ARF1: variants seen among roughly 807,000 people sequenced by gnomAD.
ARF1 encodes the protein ADP-ribosylation factor 1.
In ARF1, 1 loss-of-function variant was observed where a neutral mutation model predicts 18.0. That is an observed-to-expected ratio of 0.06 (90% CI 0.02 to 0.26). ARF1 has a LOEUF of 0.26. Ranked by LOEUF, ARF1 falls within the 10% of genes least tolerant of loss-of-function variation. ARF1 has a pLI of 1.00. For missense variants in ARF1, 73 were observed against 247.2 expected, an observed-to-expected ratio of 0.30 and a Z score of 4.73; for synonymous variants, 112 against 96.3, an observed-to-expected ratio of 1.16 and a Z score of -0.95.
At chr1:228,088,981 A>G (rs2032488157) in intron 1 of ARF1, among the ~76,000 whole-genome samples, 1 of 152,134 alleles carries the variant, frequency 6.6e-6, no homozygotes, top group South Asian at 2.1e-4. Flanking sequence ...TCTGAGTAGA[A>G]CATCGGGTCA....
chr1:228,096,040 C>T (rs1002341935), intron 1 of ARF1, among the ~76,000 whole-genome samples: 3 of 152,176 alleles, frequency 2.0e-5, no homozygotes, highest in Admixed American at 6.5e-5. Context: ...CAGACACGGG[C>T]GGCCAGTTCA....
chr1:228,083,817 C>G (rs2032303062), intron 1 of ARF1, among the ~76,000 whole-genome samples: 1 of 152,220 alleles, frequency 6.6e-6, no homozygotes, highest in Non-Finnish European at 1.5e-5. Flanking sequence ...CCTGGCACTC[C>G]CTTTCAGTCC....
chr1:228,093,022 CT>C, intron 1 of ARF1, among the ~76,000 whole-genome samples: 1 of 152,090 alleles, frequency 6.6e-6, no homozygotes, highest in East Asian at 1.9e-4. Flanking sequence ...ACTTTTTTTC[CT>C]CAGAGTTGGA....
At position 228,098,661 on chromosome 1, in the gene ARF1, T is replaced by C. The variant is rs1391133537; in HGVS notation, c.*648T>C. The C allele has an allele frequency of 6.5e-6, 1 of 152,708 alleles. No individual in the cohort carries two copies. The highest frequency in any genetic ancestry group is 6.5e-5 in the Admixed American group (1 of 15,288). The allele number at this position is 152,708 out of a possible 1,614,324, so 9.5% of individuals were successfully genotyped here. Reference sequence around the variant, plus strand: ...TTCCATAGCCATGTGCTTGTCCCTGTGCTCCCACGGTTCCCAGGGGCCAGG... The same window carrying C: ...TTCCATAGCCATGTGCTTGTCCCTGCGCTCCCACGGTTCCCAGGGGCCAGG... On this transcript the variant is annotated 3_prime_UTR_variant, in exon 5 of 5. Transcript: ENST00000272102.
chr1:228,089,785 G>A lies in ARF1; in HGVS notation c.-38+7020G>A, dbSNP rs1032895904. Among the ~76,000 whole-genome samples the A allele has an allele frequency of 1.3e-5, 2 of 151,976 alleles. No individual in the cohort carries two copies. Among genetic ancestry groups the A allele is most frequent in the South Asian group, 4.2e-4 (2 of 4,816 alleles). Reference sequence around the variant, plus strand: ...AAGTGGTGTAGAAAGGGGCCTTCAGGGCCCTGGATCCCCCAGCCCCACACA... The same window carrying A: ...AAGTGGTGTAGAAAGGGGCCTTCAGAGCCCTGGATCCCCCAGCCCCACACA... On this transcript the variant is annotated intron_variant, in intron 1 of 4. Coordinates refer to ENST00000272102, the MANE Select transcript of ARF1 (RefSeq NM_001658.4). The surrounding 1 kb of genome is among the most constrained non-coding windows in gnomAD (Gnocchi z 4.1).
Position 228,097,500 on chromosome 1 carries a change from G to C in ARF1, c.259+48G>C, listed in dbSNP as rs760365227. 9 of 1,613,798 alleles carry C rather than the reference G, an allele frequency of 5.6e-6. No individual in the cohort carries two copies. Among genetic ancestry groups the C allele is most frequent in the African/African-American group, 1.3e-5 (1 of 74,918 alleles). ...CATGGGCACTCCTGCTTCTAGAGAGGGGGGGCCAGCCCATAGATGGGGCAT... is the reference window on the plus strand; with the variant it reads ...CATGGGCACTCCTGCTTCTAGAGAGCGGGGGCCAGCCCATAGATGGGGCAT... On this transcript the variant is annotated intron_variant, in intron 3 of 4. Coordinates refer to ENST00000272102, the MANE Select transcript of ARF1 (RefSeq NM_001658.4). This position sits in a 1 kb window ranked among gnomAD's most constrained non-coding sequence, Gnocchi z 8.1.
rs2032489142 is a variant in ARF1 at position 228,089,016 on chromosome 1, C to T, written c.-38+6251C>T. On this transcript the variant is annotated intron_variant, in intron 1 of 4. Coordinates refer to ENST00000272102, the MANE Select transcript of ARF1 (RefSeq NM_001658.4). This position sits in a 1 kb window ranked among gnomAD's most constrained non-coding sequence, Gnocchi z 4.1. ...ACCTGGCTGACTGGTGTGCTGAGAA[C>T]ACGCAGGAGGAGGCTGGAGACGGGG... Among the ~76,000 whole-genome samples, 1 of 152,154 alleles carries T rather than the reference C, an allele frequency of 6.6e-6. No homozygotes were observed. Among genetic ancestry groups the T allele is most frequent in the African/African-American group, 2.4e-5 (1 of 41,422 alleles).
intron 1 of ARF1, chr1:228,090,633 A>G (rs1021892788): frequency 3.3e-5 from 5 of 152,360 alleles, no homozygotes; most frequent in African/African-American, 7.2e-5. Context: ...GTAGAGGCCA[A>G]CTGCACCCTG....
intron 1 of ARF1, among the ~76,000 whole-genome samples, chr1:228,085,602 A>G (rs1018399019): frequency 6.6e-6 from 1 of 152,238 alleles, no homozygotes; most frequent in Admixed American, 6.5e-5. Context: ...TTGTCAGCCA[A>G]CAGACTGGGA....
At chr1:228,086,825 G>C (rs918403053) in intron 1 of ARF1, among the ~76,000 whole-genome samples, 1 of 152,216 alleles carries the variant, frequency 6.6e-6, no homozygotes, top group African/African-American at 2.4e-5. Flanking sequence ...TGGGAACCCT[G>C]ATTTATAGAT....
At position 228,097,893 on chromosome 1, in the gene ARF1, G is replaced by A; in HGVS notation, c.426G>A (p.Lys142=). The A allele has an allele frequency of 6.2e-7, 1 of 1,614,170 alleles. No individual in the cohort carries two copies. Among genetic ancestry groups the A allele is most frequent in the Non-Finnish European group, 8.5e-7 (1 of 1,180,024 alleles). ...NAMNAAEITD[K]LGLHSLRHRN... is the part of the protein sequence containing the mutation. ...TGAATGCGGCCGAGATCACAGACAA[G>A]CTGGGGCTGCACTCACTACGCCACA... The change falls in exon 5 of 5, where the codon AAG becomes AAA. Residue 142 remains lysine (K), a synonymous_variant. Transcript: ENST00000272102. The surrounding 1 kb of genome is among the most constrained non-coding windows in gnomAD (Gnocchi z 8.1).
chr1:228,096,364 G>GT (rs1233430618), intron 1 of ARF1: 6 of 152,274 alleles, frequency 3.9e-5, no homozygotes, highest in African/African-American at 1.2e-4. Context: ...GTTTTCTAAA[G>GT]TCCCTGTTCG....
intron 1 of ARF1, among the ~76,000 whole-genome samples, chr1:228,088,479 T>C (rs973412255): frequency 2.6e-5 from 4 of 151,948 alleles, no homozygotes; most frequent in African/African-American, 4.8e-5. Flanking sequence ...CTGACCTTCA[T>C]GTAGGGGAGG....
chr1:228,097,286 T>C lies in ARF1; in HGVS notation c.148+24T>C. On this transcript the variant is annotated intron_variant, in intron 2 of 4. Coordinates refer to ENST00000272102, the MANE Select transcript of ARF1 (RefSeq NM_001658.4). The surrounding 1 kb of genome is among the most constrained non-coding windows in gnomAD (Gnocchi z 8.1). ...AGGTGAGGTGGGGGCCAGCAGGGAG[T>C]GGGCTGGGCTGGGCTGGGCCAAGGT... is the stretch of plus-strand genomic sequence containing the variant. 1.2e-6 allele frequency: 2 copies of C among 1,604,980 alleles called. No homozygotes were observed.
intron 1 of ARF1, among the ~76,000 whole-genome samples, chr1:228,083,741 CG>C (rs1363082360): frequency 6.6e-6 from 1 of 152,242 alleles, no homozygotes; most frequent in Non-Finnish European, 1.5e-5. Flanking sequence ...GTGGTTACGG[CG>C]TGTGAGATTG....
chr1:228,086,703 C>T (rs2032415162), intron 1 of ARF1, among the ~76,000 whole-genome samples: 1 of 152,166 alleles, frequency 6.6e-6, no homozygotes, highest in Admixed American at 6.5e-5. Flanking sequence ...CACTGCATCT[C>T]TCCATCTGTA....
chr1:228,098,006 A>T lies in ARF1; in HGVS notation c.539A>T (p.Gln180Leu). 1 of 1,612,006 alleles carries T rather than the reference A, an allele frequency of 6.2e-7. No homozygotes were observed. ...LDWLSNQLRNQK is the reference protein window; with the variant it reads ...LDWLSNQLRNLK ...TGGCTGTCCAATCAGCTCCGGAACCAGAAGTGAACGCGACCCCCCTCCCTC... is the reference window on the plus strand; with the variant it reads ...TGGCTGTCCAATCAGCTCCGGAACCTGAAGTGAACGCGACCCCCCTCCCTC... The change falls in exon 5 of 5, where the codon CAG becomes CTG. Residue 180 changes from glutamine to leucine, a missense_variant. By Grantham distance (113) the Gln-to-Leu change is moderately radical (BLOSUM62 -2). Transcript: ENST00000272102.
At chr1:228,092,938 G>A (rs1003868013) in intron 1 of ARF1, among the ~76,000 whole-genome samples, 10 of 152,164 alleles carry the variant, frequency 6.6e-5, no homozygotes, top group Non-Finnish European at 1.5e-4. Context: ...CCCGTTCTTT[G>A]GTGTAATGCC....
chr1:228,091,610 G>A (rs565698361), intron 1 of ARF1, among the ~76,000 whole-genome samples: 3 of 152,102 alleles, frequency 2.0e-5, no homozygotes, highest in Non-Finnish European at 4.4e-5. Context: ...TCCCCTCTGA[G>A]CATGCCTTTT....
Sources: allele counts gnomAD v4.1 joint callset (sites outside exome capture counted in the v4.1 genomes callset), GRCh38; gene constraint gnomAD v4.1.1; non-coding constraint Gnocchi (gnomAD v3.1); transcripts MANE v1.5; gene names NCBI Gene and HGNC (gene_info 2026-07-23, HGNC 2026-07-21).